SYNPO: variants seen among roughly 807,000 people sequenced by gnomAD.
SYNPO encodes the protein synaptopodin.
Under a neutral mutation model 49.5 loss-of-function variants are expected in SYNPO, and 19 were observed. The ratio of observed to expected loss-of-function variants is 0.38; its 90% CI spans 0.27 to 0.56. The LOEUF is 0.56. Ranked by LOEUF, SYNPO falls within the 20% of genes least tolerant of loss-of-function variation. The pLI is 0.68. For missense variants in SYNPO, 1,131 were observed against 1,248.3 expected (o/e 0.91, Z 1.42); for synonymous variants, 536 against 548.0 (o/e 0.98, Z 0.31).
At chr5:150,644,939 T>C (rs1250311047) in intron 1 of SYNPO, among the ~76,000 whole-genome samples, 1 of 152,138 alleles carries the variant, frequency 6.6e-6, no homozygotes, top group Admixed American at 6.5e-5. Flanking sequence ...CTTTCACTGT[T>C]TCTAATAGGT....
intron 2 of SYNPO, chr5:150,618,903 A>C: frequency 6.2e-6 from 7 of 1,136,476 alleles, no homozygotes; most frequent in Non-Finnish European, 8.7e-6. Context: ...GCCCAGATTA[A>C]CAGCTGTGGA....
chr5:150,596,605 G>A (rs1320240226), upstream of SYNPO, among the ~76,000 whole-genome samples: 1 of 152,116 alleles, frequency 6.6e-6, no homozygotes, highest in Non-Finnish European at 1.5e-5. Flanking sequence ...GATCAGGACG[G>A]CTCATGTGTC....
At chr5:150,627,387 CACTT>C (rs1193334999) in intron 2 of SYNPO, among the ~76,000 whole-genome samples, 5 of 152,192 alleles carry the variant, frequency 3.3e-5, no homozygotes, top group African/African-American at 4.8e-5. Context: ...GCTGCCCACT[CACTT>C]ACTGTGTGAC....
chr5:150,605,916 C>A (rs903276868), intron 1 of SYNPO, among the ~76,000 whole-genome samples: 2 of 152,042 alleles, frequency 1.3e-5, no homozygotes, highest in Non-Finnish European at 2.9e-5. Context: ...TGCATACATA[C>A]GTACCCAGAG....
At position 150,657,124 on chromosome 5, in the gene SYNPO, CAGA is replaced by C; in HGVS notation, c.*43_*45del. On this transcript the variant is annotated 3_prime_UTR_variant, in exon 3 of 3. Transcript: ENST00000307662. Reference sequence around the variant, plus strand: ...CGACCCCACCCCGGGAGGGCAGAGCCAGAAGAAGGCTCATTAGACCTGGGGGAC... The same window carrying C: ...CGACCCCACCCCGGGAGGGCAGAGCCAGAAGGCTCATTAGACCTGGGGGAC... The C allele has an allele frequency of 6.5e-7, 1 of 1,540,806 alleles. No homozygotes were observed. The highest frequency in any genetic ancestry group is 1.2e-5 in the South Asian group (1 of 83,522).
chr5:150,628,036 CTGTGTGTGTGTG>C (rs3062926), intron 2 of SYNPO, among the ~76,000 whole-genome samples: 134 of 142,034 alleles, frequency 9.4e-4, no homozygotes, highest in African/African-American at 3.5e-3. Context: ...GTGTGTGTTT[CTGTGTGTGTGTG>C]TGTGTGTGTG....
upstream of SYNPO, among the ~76,000 whole-genome samples, chr5:150,600,164 G>C (rs1756495527): frequency 6.6e-6 from 1 of 152,262 alleles, no homozygotes; most frequent in African/African-American, 2.4e-5. Flanking sequence ...AGGGGACTTG[G>C]GAGCTGAACT....
At chr5:150,643,253 G>A (rs553125389) in intron 1 of SYNPO, among the ~76,000 whole-genome samples, 1 of 152,170 alleles carries the variant, frequency 6.6e-6, no homozygotes, top group Non-Finnish European at 1.5e-5. Flanking sequence ...CTCTGTGATC[G>A]TGGGCAGCTC....
upstream of SYNPO, among the ~76,000 whole-genome samples, chr5:150,638,297 C>T (rs1581494101): frequency 6.6e-6 from 1 of 152,168 alleles, no homozygotes; most frequent in East Asian, 1.9e-4. Flanking sequence ...AACATTCTTC[C>T]CCTTAGGTCT....
At chr5:150,625,176 G>A (rs1029739095) in intron 2 of SYNPO, among the ~76,000 whole-genome samples, 1 of 152,222 alleles carries the variant, frequency 6.6e-6, no homozygotes, top group Non-Finnish European at 1.5e-5. Flanking sequence ...CCTGGGCTGC[G>A]TGGGGGCTCC....
At chr5:150,601,435 G>A (rs553880196) in intron 1 of SYNPO, among the ~76,000 whole-genome samples, 44 of 152,288 alleles carry the variant, frequency 2.9e-4, no homozygotes, top group Non-Finnish European at 1.5e-5. Context: ...TGGGGCTGGG[G>A]GAGAAAAGAT....
exon 2 of SYNPO, chr5:150,618,397 C>G: frequency 6.4e-7 from 1 of 1,551,472 alleles, no homozygotes; most frequent in Non-Finnish European, 8.7e-7. Flanking sequence ...CACCTCCGCC[C>G]CTTGCACCCA....
intron 1 of SYNPO, chr5:150,601,249 T>A (rs2151331254): frequency 6.6e-6 from 1 of 151,038 alleles, no homozygotes; most frequent in Middle Eastern, 3.4e-3. Context: ...GGCCTCGGGG[T>A]CCCTGGGATG....
At chr5:150,592,586 C>T in the SYNPO span, among the ~76,000 whole-genome samples, 2 of 152,250 alleles carry the variant, frequency 1.3e-5, no homozygotes, top group Admixed American at 6.5e-5. Flanking sequence ...CTGACGGCTC[C>T]ATGCAGGAGA....
At chr5:150,635,722 C>G (rs957813701), upstream of SYNPO, among the ~76,000 whole-genome samples, 2 of 152,218 alleles carry the variant, frequency 1.3e-5, no homozygotes, top group Non-Finnish European at 2.9e-5. Flanking sequence ...CTCGGCCTCC[C>G]AAAGTGCTGG....
chr5:150,654,009 G>T (rs537006794), intron 2 of SYNPO: 1 of 152,180 alleles, frequency 6.6e-6, no homozygotes, highest in East Asian at 1.9e-4. Context: ...ACATACAATT[G>T]GTGTCTATTT....
intron 1 of SYNPO, among the ~76,000 whole-genome samples, chr5:150,606,403 C>A (rs964454410): frequency 6.6e-6 from 1 of 152,362 alleles, no homozygotes; most frequent in East Asian, 1.9e-4. Context: ...TCCTCACAAC[C>A]ACCCAGTGAG....
intron 1 of SYNPO, among the ~76,000 whole-genome samples, chr5:150,646,477 T>G (rs1472972689): frequency 6.6e-6 from 1 of 152,190 alleles, no homozygotes; most frequent in Non-Finnish European, 1.5e-5. Flanking sequence ...CCCAGCACTT[T>G]GAGAGACTGA....
chr5:150,650,264 G>T lies in SYNPO; in HGVS notation c.1989G>T (p.Arg663Ser), dbSNP rs1481419099. 1 of 1,614,076 alleles carries T rather than the reference G, an allele frequency of 6.2e-7. No individual in the cohort carries two copies. Among genetic ancestry groups the T allele is most frequent in the Non-Finnish European group, 8.5e-7 (1 of 1,180,044 alleles). Residue 663 changes from arginine (R) to serine (S), a missense_variant, in exon 2 of 3, where the codon AGG (arginine) becomes AGT (serine). Arg to Ser is a moderately radical substitution (Grantham distance 110, BLOSUM62 -1). Transcript: ENST00000307662. ...CTCCCCGAGCCAAGCAGGCCCCCAG[G>T]CCCTCCTTCTCTACCCGGAACGCCG... ...AWSPRAKQAP[R>S]PSFSTRNAGI...
Sources: allele counts gnomAD v4.1 joint callset (sites outside exome capture counted in the v4.1 genomes callset), GRCh38; gene constraint gnomAD v4.1.1; transcripts MANE v1.5; gene names NCBI Gene and HGNC (gene_info 2026-07-23, HGNC 2026-07-21).